The following R3HDM2 variants were observed in gnomAD, a reference collection of about 807,000 sequenced individuals.
R3HDM2 encodes R3H domain-containing protein 2.
R3HDM2 carries 38 observed loss-of-function variants against 124.5 expected under a neutral mutation model. The observed-to-expected ratio is 0.31, with a 90% CI of 0.24 to 0.40. The LOEUF (loss-of-function observed/expected upper bound fraction) is 0.40, where lower values mean the gene tolerates loss of function less well. Among genes scored for constraint, R3HDM2 ranks in the 10% least tolerant of loss-of-function variants. The pLI is 1.00. For missense variants in R3HDM2, 869 were observed against 1,236.9 expected (o/e 0.70, Z 4.46); for synonymous variants, 391 against 448.0 (o/e 0.87, Z 1.61).
intron 1 of R3HDM2, among the ~76,000 whole-genome samples, chr12:57,427,705 G>A (rs1413898491): frequency 6.6e-6 from 1 of 151,966 alleles, no homozygotes; most frequent in Non-Finnish European, 1.5e-5. Flanking sequence ...GGTTGATAAG[G>A]GTTAAGGCAG....
chr12:57,370,908 G>GTT (rs977338613), intron 2 of R3HDM2, among the ~76,000 whole-genome samples: 7 of 152,038 alleles, frequency 4.6e-5, no homozygotes, highest in African/African-American at 1.7e-4. Flanking sequence ...GAGAGCCACT[G>GTT]TTACAGGGGA....
intron 2 of R3HDM2, among the ~76,000 whole-genome samples, chr12:57,311,267 C>T (rs1459801745): frequency 6.6e-6 from 1 of 151,890 alleles, no homozygotes; most frequent in East Asian, 1.9e-4. Flanking sequence ...GCTCTGTCAC[C>T]CAGGCTGGAG....
Position 57,409,666 on chromosome 12 carries a change from AGAGAT to A in R3HDM2, c.-105-13853_-105-13849del, listed in dbSNP as rs2068844385. Among the ~76,000 whole-genome samples, 6 of 152,130 alleles carry A rather than the reference AGAGAT, an allele frequency of 3.9e-5. No homozygotes were observed. In the South Asian group the frequency reaches 1.2e-3, roughly 32 times the overall value. On this transcript the variant is annotated intron_variant, in intron 1 of 23. Coordinates refer to ENST00000402412, the MANE Select transcript of R3HDM2 (RefSeq NM_001394031.1). ...GTCTACTGGAGTACCTACAAGCTTC[AGAGAT>A]GACATATAGCCCCTTTATCCCTTTT...
Position 57,254,990 on chromosome 12 carries a change from C to T in R3HDM2, c.2756G>A (p.Gly919Glu), listed in dbSNP as rs1461581018. 6.2e-7 allele frequency: 1 copy of T among 1,613,986 alleles called. No individual in the cohort carries two copies. Among genetic ancestry groups the T allele is most frequent in the East Asian group, 2.2e-5 (1 of 44,884 alleles). Residue 919 changes from glycine (G) to glutamate (E), a missense_variant, in exon 24 of 24, where the codon GGG becomes GAG. By Grantham distance (98) the Gly-to-Glu change is moderately conservative. This residue lies in a region of R3HDM2 where 602 missense variants were observed against 789.2 expected (regional missense o/e 0.76). Transcript: ENST00000402412. ...AKIQWLKDAQGLPGGGGGDNS... is the reference protein window; with the variant it reads ...AKIQWLKDAQELPGGGGGDNS... ...GTCCCCCCCACCCCCTCCAGGCAGCCCCTGAGCATCCTTGAGCCACTGGAT... is the reference window on the plus strand; with the variant it reads ...GTCCCCCCCACCCCCTCCAGGCAGCTCCTGAGCATCCTTGAGCCACTGGAT...
At chr12:57,258,476 C>T (rs905515408) in intron 20 of R3HDM2, among the ~76,000 whole-genome samples, 26 of 151,988 alleles carry the variant, frequency 1.7e-4, no homozygotes, top group African/African-American at 6.0e-4. Flanking sequence ...TTCTGAGTAG[C>T]TGGGATTACA....
At chr12:57,364,952 CAAA>C (rs1214204891) in intron 2 of R3HDM2, among the ~76,000 whole-genome samples, 3 of 46,484 alleles carry the variant, frequency 6.5e-5, no homozygotes, top group Non-Finnish European at 1.3e-4. Flanking sequence ...GACTCCATCT[CAAA>C]AAAAAAAAAA....
chr12:57,419,837 G>A (rs1424824979), intron 1 of R3HDM2, among the ~76,000 whole-genome samples: 2 of 151,470 alleles, frequency 1.3e-5, no homozygotes, highest in Non-Finnish European at 2.9e-5. Flanking sequence ...TGATATCTTT[G>A]CCTGCCTAGC....
chr12:57,385,787 C>T (rs565265787), intron 2 of R3HDM2, among the ~76,000 whole-genome samples: 1 of 152,102 alleles, frequency 6.6e-6, no homozygotes, highest in Non-Finnish European at 1.5e-5. Flanking sequence ...GACAGAAGAG[C>T]AGCTCTCAAA....
At position 57,288,789 on chromosome 12, in the gene R3HDM2, G is replaced by A. The variant is rs529317972; in HGVS notation, c.938+220C>T. 3 of 1,393,932 alleles carry A rather than the reference G, an allele frequency of 2.2e-6. No individual in the cohort carries two copies. In the African/African-American group the frequency reaches 4.3e-5, roughly 20 times the overall value. 86.3% of individuals were successfully genotyped at this position (1,393,932 alleles called of 1,614,324 possible). On this transcript the variant is annotated intron_variant, in intron 12 of 23. Transcript: ENST00000402412. ...ATGCATGGAGCAAACCCACTCTGCT[G>A]AAAAGATTACAGCAAAACAAAATAA...
In R3HDM2 at chr12:57,255,912, C is replaced by T. The variant is rs1402184399; in HGVS notation, c.2632+78G>A. The T allele has an allele frequency of 2.4e-5, 32 of 1,317,926 alleles. No individual in the cohort carries two copies. In the South Asian group the frequency reaches 4.5e-4, roughly 18 times the overall value. 81.6% of individuals were successfully genotyped at this position (1,317,926 alleles called of 1,614,324 possible). A position where few individuals can be genotyped will look rare whatever the true frequency, so the allele number is the denominator to read the frequency against. Reference sequence around the variant, plus strand: ...CACTCCCCATCCTAAGCTGGCTTTTCCCACCCATGCTGGACTGGTAATTAA... The same window carrying T: ...CACTCCCCATCCTAAGCTGGCTTTTTCCACCCATGCTGGACTGGTAATTAA... On this transcript the variant is annotated intron_variant, in intron 23 of 23. Transcript: ENST00000402412.
At chr12:57,423,442 G>A (rs2139617380) in intron 1 of R3HDM2, among the ~76,000 whole-genome samples, 1 of 149,408 alleles carries the variant, frequency 6.7e-6, no homozygotes, top group East Asian at 2.0e-4. Flanking sequence ...AAAGAAAAGA[G>A]ATCTGTTAAA....
Position 57,300,275 on chromosome 12 carries a change from A to G in R3HDM2, c.208-94T>C, listed in dbSNP as rs1168216540. Reference sequence around the variant, plus strand: ...TTCAGAAAGCTTTTGGCTGAATGAAAAGTGTCCTCTTTGGCTCTGTTAGTT... The same window carrying G: ...TTCAGAAAGCTTTTGGCTGAATGAAGAGTGTCCTCTTTGGCTCTGTTAGTT... On this transcript the variant is annotated intron_variant, in intron 4 of 23. Transcript: ENST00000402412. The G allele has an allele frequency of 4.5e-6, 5 of 1,107,618 alleles. No individual in the cohort carries two copies. In the Admixed American group the frequency reaches 1.1e-4, roughly 24 times the overall value. 68.6% of individuals were successfully genotyped at this position (1,107,618 alleles called of 1,614,324 possible). A position where few individuals can be genotyped will look rare whatever the true frequency, so the allele number is the denominator to read the frequency against.
chr12:57,317,719 G>A (rs967058451), intron 2 of R3HDM2, among the ~76,000 whole-genome samples: 5 of 151,172 alleles, frequency 3.3e-5, no homozygotes, highest in East Asian at 1.9e-4. Flanking sequence ...GGGCCAGGCC[G>A]GGTGGCTCGC....
chr12:57,255,836 A>G (rs1353404467), intron 23 of R3HDM2, among the ~76,000 whole-genome samples, 154 bp downstream of exon 23: 1 of 152,138 alleles, frequency 6.6e-6, no homozygotes, highest in Non-Finnish European at 1.5e-5. Context: ...GGACTGAGAT[A>G]CTTCACTTCT....
At chr12:57,321,515 G>A (rs1350089370) in intron 2 of R3HDM2, among the ~76,000 whole-genome samples, 1 of 152,076 alleles carries the variant, frequency 6.6e-6, no homozygotes, top group Non-Finnish European at 1.5e-5. Flanking sequence ...GCCGGGTGTG[G>A]TGGTGGCATG....
At position 57,296,777 on chromosome 12, in the gene R3HDM2, C is replaced by T. The variant is rs1277688041; in HGVS notation, c.561-226G>A. 1.3e-5 allele frequency: 6 copies of T among 473,416 alleles called. No individual in the cohort carries two copies. The highest frequency in any genetic ancestry group is 1.2e-4 in the African/African-American group (6 of 51,088). The allele number at this position is 473,416 out of a possible 1,614,324, so 29.3% of individuals were successfully genotyped here. On this transcript the variant is annotated intron_variant, in intron 8 of 23. Coordinates refer to ENST00000402412, the MANE Select transcript of R3HDM2 (RefSeq NM_001394031.1). This position sits in a 1 kb window ranked among gnomAD's most constrained non-coding sequence, Gnocchi z 4.5. The stretch of plus-strand genomic sequence containing the variant: ...TGACCTACTTTCCTCATTAAGACTA[C>T]TCATTGCTGGGTGCAGTGGCTCATG...
At chr12:57,279,129 G>A (rs1365537161) in intron 14 of R3HDM2, among the ~76,000 whole-genome samples, 1 of 151,038 alleles carries the variant, frequency 6.6e-6, no homozygotes, top group Non-Finnish European at 1.5e-5. Context: ...CGTGTGAGAA[G>A]GGAGTAAGTG....
At chr12:57,269,115 A>G in intron 16 of R3HDM2, 33 bp from the exon 17 acceptor site, 3 of 1,611,248 alleles carry the variant, frequency 1.9e-6, no homozygotes, top group Non-Finnish European at 1.7e-6. Context: ...ATACATTAGT[A>G]TGAATGTTTA....
intron 2 of R3HDM2, among the ~76,000 whole-genome samples, chr12:57,311,888 T>C (rs1237429187): frequency 1.3e-5 from 2 of 152,154 alleles, no homozygotes; most frequent in African/African-American, 4.8e-5. Flanking sequence ...ACCTGGGAAA[T>C]CCTGTAATGA....
Sources: allele counts gnomAD v4.1 joint callset (sites outside exome capture counted in the v4.1 genomes callset), GRCh38; gene constraint gnomAD v4.1.1; regional missense constraint gnomAD v4.1.1; non-coding constraint Gnocchi (gnomAD v3.1); transcripts MANE v1.5; gene names NCBI Gene and HGNC (gene_info 2026-07-23, HGNC 2026-07-21).